Variants in MAP2K5 observed in about 807,000 individuals in gnomAD.
MAP2K5 encodes dual specificity mitogen-activated protein kinase kinase 5.
Under a neutral mutation model 83.1 loss-of-function variants are expected in MAP2K5, and 49 were observed. The ratio of observed to expected loss-of-function variants is 0.59; its 90% CI spans 0.47 to 0.75. The LOEUF is 0.75. Among genes scored for constraint, MAP2K5 ranks in the 30% least tolerant of loss-of-function variants. MAP2K5 has a pLI of 0.00. For missense variants in MAP2K5, 457 were observed against 557.5 expected (o/e 0.82, Z 1.82); for synonymous variants, 202 against 191.8 (o/e 1.05, Z -0.44).
At chr15:67,706,537 G>A (rs2088559131) in intron 16 of MAP2K5, among the ~76,000 whole-genome samples, 1 of 152,140 alleles carries the variant, frequency 6.6e-6, no homozygotes, top group Non-Finnish European at 1.5e-5. Context: ...AAAATGGATG[G>A]TAAGGAGCCG....
At position 67,565,138 on chromosome 15, in the gene MAP2K5, CT is replaced by C. The variant is rs1361325169; in HGVS notation, c.252+1792del. The stretch of plus-strand genomic sequence containing the variant: ...TGAATATGGAATTTAAGTTCAGTTT[CT>C]TTTCATGCCCAAGCTGTTGCTCATT... On this transcript the variant is annotated intron_variant, in intron 3 of 21. Transcript: ENST00000178640. This position sits in a 1 kb window ranked among gnomAD's most constrained non-coding sequence, Gnocchi z 4.1. Among the ~76,000 whole-genome samples, 1 of 152,162 alleles carries C rather than the reference CT, an allele frequency of 6.6e-6. No homozygotes were observed. The highest frequency in any genetic ancestry group is 1.5e-5 in the Non-Finnish European group (1 of 68,024).
chr15:67,604,756 A>G (rs902677741), intron 8 of MAP2K5, among the ~76,000 whole-genome samples: 2 of 151,868 alleles, frequency 1.3e-5, no homozygotes, highest in Non-Finnish European at 2.9e-5. Flanking sequence ...TTAGCTGGGC[A>G]TGGTGGTGGG....
chr15:67,642,352 A>T (rs2086732686), intron 9 of MAP2K5: 1 of 1,319,464 alleles, frequency 7.6e-7, no homozygotes, highest in Admixed American at 2.3e-5. Flanking sequence ...AGAAAAATGT[A>T]CAAGACTCAG....
intron 9 of MAP2K5, among the ~76,000 whole-genome samples, chr15:67,642,241 T>C (rs1249662091): frequency 2.0e-5 from 3 of 152,216 alleles, no homozygotes; most frequent in Admixed American, 6.5e-5. Flanking sequence ...AGAAACAGTT[T>C]CTTATAAAGA....
intron 4 of MAP2K5, among the ~76,000 whole-genome samples, chr15:67,581,614 A>G (rs1361018688): frequency 6.6e-6 from 1 of 152,250 alleles, no homozygotes; most frequent in Non-Finnish European, 1.5e-5. Context: ...ACTTAATTGA[A>G]ATAATTAAAA....
At chr15:67,671,742 A>G (rs1010733268) in intron 13 of MAP2K5, among the ~76,000 whole-genome samples, 3 of 151,178 alleles carry the variant, frequency 2.0e-5, no homozygotes, top group Admixed American at 6.6e-5. Context: ...TACATGTGCC[A>G]TGCTGGTGTG....
rs147207553 is a variant in MAP2K5, at chr15:67,677,147, GA to G, written c.847+12503del. On this transcript the variant is annotated intron_variant, in intron 13 of 21. Coordinates refer to ENST00000178640, the MANE Select transcript of MAP2K5 (RefSeq NM_145160.3). The surrounding 1 kb of genome is among the most constrained non-coding windows in gnomAD (Gnocchi z 4.2). ...GCTATTTTCTTTGTGAACTTCCCAA[GA>G]TCACCCAACTATTCACTGCCAAAGC... Among the ~76,000 whole-genome samples, 540 of 152,238 alleles carry G rather than the reference GA, an allele frequency of 3.5e-3. 2 individuals are homozygous for G. The highest frequency in any genetic ancestry group is 0.013 in the African/African-American group (522 of 41,556).
intron 8 of MAP2K5, among the ~76,000 whole-genome samples, chr15:67,626,857 C>T (rs2086337103): frequency 1.3e-5 from 2 of 152,092 alleles, no homozygotes; most frequent in African/African-American, 4.8e-5. Context: ...CTAATAAGAT[C>T]ACAGCAGTGC....
chr15:67,655,384 G>GGGTA (rs2087045631), intron 11 of MAP2K5, among the ~76,000 whole-genome samples: 1 of 152,106 alleles, frequency 6.6e-6, no homozygotes, highest in African/African-American at 2.4e-5. Context: ...ATTTCTTGTA[G>GGGTA]GGTAGGTTAA....
rs2090396784 is a variant in MAP2K5 at position 67,785,246 on chromosome 15, C to CGAACTGTT, written c.1242+12495_1242+12502dup. 6.6e-6 allele frequency among the ~76,000 whole-genome samples: 1 copy of CGAACTGTT among 152,148 alleles called. No individual in the cohort carries two copies. The highest frequency in any genetic ancestry group is 1.5e-5 in the Non-Finnish European group (1 of 68,034). On this transcript the variant is annotated intron_variant, in intron 21 of 21. Transcript: ENST00000178640. The surrounding 1 kb of genome is among the most constrained non-coding windows in gnomAD (Gnocchi z 4.4). Reference sequence around the variant, plus strand: ...AGGTGTGAGCCACCGTGCCCGGCCCCGAACTGTTTCTTAAACACAGGAAGA... The same window carrying CGAACTGTT: ...AGGTGTGAGCCACCGTGCCCGGCCCCGAACTGTTGAACTGTTTCTTAAACACAGGAAGA...
At chr15:67,744,494 C>A (rs369201193) in intron 17 of MAP2K5, among the ~76,000 whole-genome samples, 1 of 152,200 alleles carries the variant, frequency 6.6e-6, no homozygotes, top group East Asian at 1.9e-4. Context: ...ATCTTCCAGA[C>A]AAGAGCTGCA....
chr15:67,807,027 C>A lies in MAP2K5; in HGVS notation c.*277C>A. 2 of 1,324,258 alleles carry A rather than the reference C, an allele frequency of 1.5e-6. No homozygotes were observed. The highest frequency in any genetic ancestry group is 1.5e-5 in the South Asian group (1 of 68,218). 82.0% of individuals were successfully genotyped at this position (1,324,258 alleles called of 1,614,324 possible). On this transcript the variant is annotated 3_prime_UTR_variant, in exon 22 of 22. Coordinates refer to ENST00000178640, the MANE Select transcript of MAP2K5 (RefSeq NM_145160.3). The surrounding 1 kb of genome is among the most constrained non-coding windows in gnomAD (Gnocchi z 5.1). ...AATGGAGGCTCCCAGGGTCCCTGCC[C>A]ACTTCTGTTTTCCTAATGTTTTTCT...
In MAP2K5 at chr15:67,596,431, A is replaced by T. The variant is rs541883348; in HGVS notation, c.480+3457A>T. On this transcript the variant is annotated intron_variant, in intron 7 of 21. Transcript: ENST00000178640. ...TCTGTCTCAAAAAAAACTCAACAACAACAGGAAAACCTTTTTGTATATAGA... is the reference window on the plus strand; with the variant it reads ...TCTGTCTCAAAAAAAACTCAACAACTACAGGAAAACCTTTTTGTATATAGA... 1.6e-4 allele frequency among the ~76,000 whole-genome samples: 24 copies of T among 152,294 alleles called. No individual in the cohort carries two copies. The East Asian group carries it at 2.9e-3, about 18-fold the overall frequency.
At position 67,801,390 on chromosome 15, in the gene MAP2K5, TG is replaced by T. The variant is rs1313620439; in HGVS notation, c.1243-5254del. ...CTGCTTCAACAGGTTCATGAGTCCT[TG>T]GCCTCCTATCCCATGCAGCATCCTT... On this transcript the variant is annotated intron_variant, in intron 21 of 21. Coordinates refer to ENST00000178640, the MANE Select transcript of MAP2K5 (RefSeq NM_145160.3). This position sits in a 1 kb window ranked among gnomAD's most constrained non-coding sequence, Gnocchi z 4.8. 6.6e-6 allele frequency among the ~76,000 whole-genome samples: 1 copy of T among 152,184 alleles called. No individual in the cohort carries two copies. Among genetic ancestry groups the T allele is most frequent in the Non-Finnish European group, 1.5e-5 (1 of 68,036 alleles).
At chr15:67,739,454 ATATATATATTTTTTTTTTTTTTTTTTTTT>A (rs1489460096) in intron 17 of MAP2K5, among the ~76,000 whole-genome samples, 37 of 16,682 alleles carry the variant, frequency 2.2e-3, no homozygotes, top group African/African-American at 5.0e-3. Context: ...ATATATATAT[ATATATATATTTTTTTTTTTTTTTTTTTTT>A]TTTTTTTTTT....
rs1409304602 is a variant in MAP2K5 at position 67,668,528 on chromosome 15, C to T, written c.847+3883C>T. The stretch of plus-strand genomic sequence containing the variant: ...AGGCCAGATCCGACATTACAGGAAA[C>T]ATCGCAGCTTCACTTCAAAACATAC... On this transcript the variant is annotated intron_variant, in intron 13 of 21. Coordinates refer to ENST00000178640, the MANE Select transcript of MAP2K5 (RefSeq NM_145160.3). The surrounding 1 kb of genome is among the most constrained non-coding windows in gnomAD (Gnocchi z 4.0). 6.6e-6 allele frequency among the ~76,000 whole-genome samples: 1 copy of T among 152,138 alleles called. No individual in the cohort carries two copies. The highest frequency in any genetic ancestry group is 1.5e-5 in the Non-Finnish European group (1 of 68,022).
At chr15:67,599,077 G>A (rs752826679) in intron 7 of MAP2K5, among the ~76,000 whole-genome samples, 3 of 152,212 alleles carry the variant, frequency 2.0e-5, no homozygotes, top group Admixed American at 6.5e-5. Flanking sequence ...TTAGCATCTC[G>A]TCACTTTATG....
chr15:67,631,673 A>G (rs2086476843), intron 9 of MAP2K5, among the ~76,000 whole-genome samples: 1 of 152,190 alleles, frequency 6.6e-6, no homozygotes, highest in Non-Finnish European at 1.5e-5. Context: ...CATGCAATTC[A>G]TAATTCATAC....
intron 16 of MAP2K5, among the ~76,000 whole-genome samples, chr15:67,713,157 A>T (rs1566938546): frequency 6.6e-6 from 1 of 152,182 alleles, no homozygotes; most frequent in Non-Finnish European, 1.5e-5. Context: ...CCCAAATGAC[A>T]TATGGCAGTG....
Sources: allele counts gnomAD v4.1 joint callset (sites outside exome capture counted in the v4.1 genomes callset), GRCh38; gene constraint gnomAD v4.1.1; non-coding constraint Gnocchi (gnomAD v3.1); transcripts MANE v1.5; gene names NCBI Gene and HGNC (gene_info 2026-07-23, HGNC 2026-07-21).